Variants in TMED3 observed in about 807,000 individuals in gnomAD.
TMED3 encodes the protein transmembrane p24 trafficking protein 3, also known as transmembrane emp24 domain-containing protein 3.
A neutral mutation model predicts 15.0 loss-of-function variants in TMED3; 9 were observed. That is an observed-to-expected ratio of 0.60 (90% confidence interval 0.36 to 1.04). The LOEUF (loss-of-function observed/expected upper bound fraction) is 1.04. Ranked by LOEUF, TMED3 falls within the 50% of genes least tolerant of loss-of-function variation. The probability of loss-of-function intolerance (pLI) is 0.01; values close to 1 mark genes in which losing one functional copy is unlikely to be tolerated. For synonymous variants in TMED3, 117 were observed against 121.4 expected, an observed-to-expected ratio of 0.96 and a Z score of 0.24; for missense variants, 267 against 278.9, an observed-to-expected ratio of 0.96 and a Z score of 0.30.
intron 2 of TMED3, among the ~76,000 whole-genome samples, chr15:79,321,282 G>A (rs1361875924): frequency 6.6e-6 from 1 of 152,146 alleles, no homozygotes; most frequent in African/African-American, 2.4e-5. Context: ...TGGTGGTGGT[G>A]GGAAGGACAT....
In TMED3 at chr15:79,322,532, C is replaced by T; in HGVS notation, c.*318C>T. 5 of 1,174,468 alleles carry T rather than the reference C, an allele frequency of 4.3e-6. No individual in the cohort carries two copies. The highest frequency in any genetic ancestry group is 5.3e-6 in the Non-Finnish European group (5 of 947,362). The allele number at this position is 1,174,468 out of a possible 1,614,324, so 72.8% of individuals were successfully genotyped here. On this transcript the variant is annotated 3_prime_UTR_variant, in exon 3 of 3. Transcript: ENST00000299705. ...TGGCTGTTGGCAGGAACTCCAAGTG[C>T]CCAGGCCTCTTGGGCAGCTTAGGGC...
At chr15:79,387,547 A>G (rs1893641594) in intron 2 of TMED3, among the ~76,000 whole-genome samples, 1 of 152,024 alleles carries the variant, frequency 6.6e-6, no homozygotes, top group African/African-American at 2.4e-5. Context: ...TTCCGTGAAA[A>G]TGTTAGAAAC....
downstream of TMED3, among the ~76,000 whole-genome samples, chr15:79,326,833 T>C (rs1311760968): frequency 1.3e-5 from 2 of 152,174 alleles, no homozygotes; most frequent in African/African-American, 4.8e-5. Context: ...GTCTGCTTAG[T>C]GTTGCGATAA....
At chr15:79,366,589 A>G (rs1017288777) in intron 2 of TMED3, among the ~76,000 whole-genome samples, 4 of 152,162 alleles carry the variant, frequency 2.6e-5, no homozygotes, top group African/African-American at 7.2e-5. Context: ...GGAACTAAAG[A>G]TTTTCCTTTA....
At position 79,362,339 on chromosome 15, in the gene TMED3, G is replaced by C. The variant is rs1893147847; in HGVS notation, c.417+48334G>C. On this transcript the variant is annotated intron_variant, in intron 2 of 2. Coordinates refer to the TMED3 transcript ENST00000424155. ...AAAAAAATTAGCCAGGTGGTGGCAT[G>C]CCTGTCCAGCTACTCAGTCTTCCTG... 2.7e-5 allele frequency among the ~76,000 whole-genome samples: 4 copies of C among 150,814 alleles called. No homozygotes were observed. In the South Asian group the frequency reaches 8.4e-4, roughly 32 times the overall value.
At chr15:79,391,967 G>T (rs1313252438) in intron 2 of TMED3, among the ~76,000 whole-genome samples, 32 of 152,058 alleles carry the variant, frequency 2.1e-4, no homozygotes, top group Admixed American at 2.1e-3. Context: ...TTAAGTTTAT[G>T]TTTGTCCTTA....
At chr15:79,340,545 T>C (rs2058847913) in intron 2 of TMED3, among the ~76,000 whole-genome samples, 1 of 152,226 alleles carries the variant, frequency 6.6e-6, no homozygotes. Context: ...CCAAAAAATT[T>C]TGAGATAATT....
At chr15:79,320,944 G>T (rs2058763798) in intron 2 of TMED3, among the ~76,000 whole-genome samples, 2 of 152,210 alleles carry the variant, frequency 1.3e-5, no homozygotes, top group South Asian at 4.1e-4. Flanking sequence ...GTGGAGTTCA[G>T]TTCTTTGTGG....
chr15:79,322,217 C>G lies in TMED3; in HGVS notation c.*3C>G. ...TCAGCAGGGCAGTCCACTCCTAGCC[C>G]CGGCATCCTGCTCTAGGGCCCCTCA... On this transcript the variant is annotated 3_prime_UTR_variant, in exon 3 of 3. Coordinates refer to ENST00000299705, the MANE Select transcript of TMED3 (RefSeq NM_007364.4). 2 of 1,610,674 alleles carry G rather than the reference C, an allele frequency of 1.2e-6. No individual in the cohort carries two copies. Among genetic ancestry groups the G allele is most frequent in the African/African-American group, 2.7e-5 (2 of 75,036 alleles).
chr15:79,357,866 C>T (rs2058925668), intron 2 of TMED3, among the ~76,000 whole-genome samples: 1 of 152,122 alleles, frequency 6.6e-6, no homozygotes, highest in Non-Finnish European at 1.5e-5. Flanking sequence ...TTGGTTTATA[C>T]CATTGTTTAA....
chr15:79,314,539 A>G, intron 2 of TMED3: 1 of 455,698 alleles, frequency 2.2e-6, no homozygotes, highest in South Asian at 1.5e-5. Context: ...GTCTTCCCTT[A>G]GGGCTTCAGG....
At chr15:79,316,716 C>A (rs2058741849) in intron 2 of TMED3, among the ~76,000 whole-genome samples, 1 of 152,140 alleles carries the variant, frequency 6.6e-6, no homozygotes, top group South Asian at 2.1e-4. Context: ...CAACTATAAT[C>A]CCTGTGAGGC....
chr15:79,362,302 TAA>T lies in TMED3; in HGVS notation c.417+48314_417+48315del, dbSNP rs55882848. The stretch of plus-strand genomic sequence containing the variant: ...GGCATATAGTGTGATCTTGCCTCTA[TAA>T]AAAAAAAAAAAAAAAATTAGCCAGG... On this transcript the variant is annotated intron_variant, in intron 2 of 2. Transcript: ENST00000424155. 2.0e-3 allele frequency among the ~76,000 whole-genome samples: 266 copies of T among 134,998 alleles called. 1 individual carries two copies. Among genetic ancestry groups the T allele is most frequent in the Middle Eastern group, 7.2e-3 (2 of 278 alleles). 88.6% of individuals were successfully genotyped at this position (134,998 alleles called of 152,430 possible). A position where few individuals can be genotyped will look rare whatever the true frequency, so the allele number is the denominator to read the frequency against.
At chr15:79,394,148 G>A (rs907240090) in intron 2 of TMED3, among the ~76,000 whole-genome samples, 1 of 152,136 alleles carries the variant, frequency 6.6e-6, no homozygotes, top group African/African-American at 2.4e-5. Flanking sequence ...GGGAGTAGGG[G>A]GGTGGGTGGA....
intron 2 of TMED3, among the ~76,000 whole-genome samples, chr15:79,373,413 C>G (rs1271733130): frequency 6.6e-6 from 1 of 152,184 alleles, no homozygotes; most frequent in African/African-American, 2.4e-5. Context: ...TGTGAGCAAG[C>G]CCATCCTTCA....
chr15:79,319,777 C>T (rs1221188265), intron 2 of TMED3, among the ~76,000 whole-genome samples: 1 of 152,122 alleles, frequency 6.6e-6, no homozygotes, highest in Non-Finnish European at 1.5e-5. Context: ...CCCTTCCCTG[C>T]CTGGCAGCCA....
At chr15:79,403,604 C>T (rs910044416) in intron 2 of TMED3, among the ~76,000 whole-genome samples, 1 of 152,152 alleles carries the variant, frequency 6.6e-6, no homozygotes, top group African/African-American at 2.4e-5. Context: ...ATGATAGGGA[C>T]AATTATGTCT....
chr15:79,359,545 T>G (rs2141239671), intron 2 of TMED3, among the ~76,000 whole-genome samples: 1 of 152,150 alleles, frequency 6.6e-6, no homozygotes, highest in East Asian at 1.9e-4. Flanking sequence ...AGGGGAAGGC[T>G]CCTTATATAG....
At chr15:79,349,920 G>A (rs1177244106) in intron 2 of TMED3, among the ~76,000 whole-genome samples, 1 of 152,200 alleles carries the variant, frequency 6.6e-6, no homozygotes, top group Non-Finnish European at 1.5e-5. Context: ...ATCCATAGAT[G>A]CCACTCACTT....
Sources: allele counts gnomAD v4.1 joint callset (sites outside exome capture counted in the v4.1 genomes callset), GRCh38; gene constraint gnomAD v4.1.1; transcripts MANE v1.5; gene names NCBI Gene and HGNC (gene_info 2026-07-23, HGNC 2026-07-21).